The following OXR1 variants were observed in gnomAD, a reference collection of about 807,000 sequenced individuals.
OXR1 encodes the protein oxidation resistance 1, also known as oxidation resistance protein 1.
In OXR1, 41 loss-of-function variants were observed where a neutral mutation model predicts 104.6. The observed-to-expected ratio is 0.39, with a 90% CI of 0.31 to 0.51. The LOEUF (loss-of-function observed/expected upper bound fraction) is 0.51. Ranked by LOEUF, OXR1 falls within the 20% of genes least tolerant of loss-of-function variation. OXR1 has a pLI of 0.77. For synonymous variants in OXR1, 348 were observed against 348.4 expected (o/e 1.00, Z 0.01); for missense variants, 955 against 1,031.9 (o/e 0.93, Z 1.02).
At chr8:106,684,442 T>G (rs1828492481) in intron 6 of OXR1, 83 bp downstream of exon 6, 2 of 713,458 alleles carry the variant, frequency 2.8e-6, no homozygotes, top group African/African-American at 3.5e-5. Flanking sequence ...ACATTCCATT[T>G]TGACTATGGT....
intron 2 of OXR1, among the ~76,000 whole-genome samples, chr8:106,425,742 C>CTCTACAGA (rs1437249245): frequency 1.3e-5 from 2 of 152,116 alleles, no homozygotes; most frequent in African/African-American, 4.8e-5. Flanking sequence ...ATAGAGACAC[C>CTCTACAGA]TCTACAGAAG....
At chr8:106,690,576 G>GT (rs575729668) in intron 6 of OXR1, among the ~76,000 whole-genome samples, 192 of 140,592 alleles carry the variant, frequency 1.4e-3, no homozygotes, top group Admixed American at 1.6e-3. Flanking sequence ...CTAGATGAGA[G>GT]TTTTTTTTTT....
chr8:106,428,497 A>G (rs1432171894), intron 2 of OXR1, among the ~76,000 whole-genome samples: 1 of 152,174 alleles, frequency 6.6e-6, no homozygotes, highest in Non-Finnish European at 1.5e-5. Flanking sequence ...AAGAGGTTGG[A>G]ATGGATATGG....
At chr8:106,441,858 G>A (rs1288298847) in intron 2 of OXR1, among the ~76,000 whole-genome samples, 1 of 152,268 alleles carries the variant, frequency 6.6e-6, no homozygotes, top group East Asian at 1.9e-4. Context: ...CATGTCGTCT[G>A]CAAACAGTAA....
chr8:106,618,399 A>C (rs1214124670), intron 3 of OXR1, among the ~76,000 whole-genome samples: 1 of 152,194 alleles, frequency 6.6e-6, no homozygotes, highest in Non-Finnish European at 1.5e-5. Context: ...CAGAACACTG[A>C]ATCTAAATAG....
chr8:106,594,834 A>G (rs1586866763), intron 3 of OXR1, among the ~76,000 whole-genome samples: 2 of 152,170 alleles, frequency 1.3e-5, no homozygotes, highest in East Asian at 3.9e-4. Context: ...TATTTACACA[A>G]TGCCCCTTGT....
In OXR1 at chr8:106,716,630, C is replaced by CA. The variant is rs760744812; in HGVS notation, c.1956+2676dup. On this transcript the variant is annotated intron_variant, in intron 11 of 16. Coordinates refer to ENST00000517566, the MANE Select transcript of OXR1 (RefSeq NM_001198533.2). ...TGGGCGACAGAGCGAGACTCCGTCT[C>CA]AAAAAAAAAAAAAAAAAAAAAAAAA... Among the ~76,000 whole-genome samples, 11 of 71,472 alleles carry CA rather than the reference C, an allele frequency of 1.5e-4. 1 individual carries two copies. Among genetic ancestry groups the CA allele is most frequent in the Non-Finnish European group, 2.8e-4 (9 of 32,698 alleles). 46.9% of individuals were successfully genotyped at this position (71,472 alleles called of 152,430 possible).
chr8:106,530,790 C>A (rs1814037290), intron 3 of OXR1, among the ~76,000 whole-genome samples: 1 of 151,886 alleles, frequency 6.6e-6, no homozygotes, highest in East Asian at 1.9e-4. Flanking sequence ...TTGTGATCAT[C>A]TGAACAAACT....
intron 3 of OXR1, among the ~76,000 whole-genome samples, chr8:106,647,489 C>T (rs1394737519): frequency 6.6e-6 from 1 of 152,092 alleles, no homozygotes; most frequent in East Asian, 1.9e-4. Context: ...GCAAAAAACA[C>T]ACAAATGCTT....
At chr8:106,294,956 A>G (rs1430661598) in intron 1 of OXR1, among the ~76,000 whole-genome samples, 1 of 152,220 alleles carries the variant, frequency 6.6e-6, no homozygotes, top group Non-Finnish European at 1.5e-5. Flanking sequence ...GCATTATTAT[A>G]AATCAAGAAT....
chr8:106,606,146 T>C (rs1820367086), intron 3 of OXR1, among the ~76,000 whole-genome samples: 1 of 152,172 alleles, frequency 6.6e-6, no homozygotes, highest in Non-Finnish European at 1.5e-5. Context: ...TGCTCCTTTC[T>C]AGAGGCCCTG....
intron 2 of OXR1, among the ~76,000 whole-genome samples, chr8:106,379,884 G>C (rs1000247535): frequency 1.3e-5 from 2 of 152,010 alleles, no homozygotes; most frequent in African/African-American, 4.8e-5. Flanking sequence ...GAAAAGGAAT[G>C]TGTATCCCTG....
At chr8:106,308,986 TG>T (rs1186034175) in intron 1 of OXR1, among the ~76,000 whole-genome samples, 1 of 137,926 alleles carries the variant, frequency 7.3e-6, no homozygotes, top group Admixed American at 7.0e-5. Flanking sequence ...ATTTTTTTTT[TG>T]TTTTTTTTTG....
intron 2 of OXR1, among the ~76,000 whole-genome samples, chr8:106,428,504 A>G (rs908046779): frequency 1.3e-5 from 2 of 152,120 alleles, no homozygotes; most frequent in African/African-American, 2.4e-5. Flanking sequence ...TGGAATGGAT[A>G]TGGAGGCCAC....
rs74697391 is a variant in OXR1 at position 106,655,581 on chromosome 8, G to T, written c.221-23629G>T. Among the ~76,000 whole-genome samples, 12 of 152,168 alleles carry T rather than the reference G, an allele frequency of 7.9e-5. No individual in the cohort carries two copies. The East Asian group carries it at 2.3e-3, about 29-fold the overall frequency. Reference sequence around the variant, plus strand: ...AGAGCAACTTGATGTAGATTGAAGAGAAAAAGGAAAGAAAAATGAATGTTC... The same window carrying T: ...AGAGCAACTTGATGTAGATTGAAGATAAAAAGGAAAGAAAAATGAATGTTC... On this transcript the variant is annotated intron_variant, in intron 3 of 16. Transcript: ENST00000517566.
chr8:106,602,571 T>G (rs1373633124), intron 3 of OXR1, among the ~76,000 whole-genome samples: 3 of 152,200 alleles, frequency 2.0e-5, no homozygotes, highest in Non-Finnish European at 2.9e-5. Flanking sequence ...AGGAATATTT[T>G]GTTCTGTGGA....
At chr8:106,723,541 G>A (rs1012101260) in intron 11 of OXR1, among the ~76,000 whole-genome samples, 2 of 149,832 alleles carry the variant, frequency 1.3e-5, no homozygotes, top group Admixed American at 6.7e-5. Context: ...GCGTGGTGGC[G>A]CACACCTGTG....
intron 1 of OXR1, among the ~76,000 whole-genome samples, chr8:106,274,605 C>A (rs1388742784): frequency 7.4e-6 from 1 of 134,494 alleles, no homozygotes; most frequent in Non-Finnish European, 1.6e-5. Context: ...ACGCCACCCC[C>A]CCCCCGACCC....
intron 2 of OXR1, among the ~76,000 whole-genome samples, chr8:106,484,047 G>A (rs865967571): frequency 7.9e-5 from 12 of 151,878 alleles, no homozygotes; most frequent in African/African-American, 2.9e-4. Context: ...CTAATGACAT[G>A]ATCCAAGGAA....
Sources: allele counts gnomAD v4.1 joint callset (sites outside exome capture counted in the v4.1 genomes callset), GRCh38; gene constraint gnomAD v4.1.1; transcripts MANE v1.5; gene names NCBI Gene and HGNC (gene_info 2026-07-23, HGNC 2026-07-21).